The following MLST8 variants were observed in gnomAD, a reference collection of about 807,000 sequenced individuals.
The protein encoded by MLST8 is target of rapamycin complex subunit LST8.
In MLST8, 20 loss-of-function variants were observed where a neutral mutation model predicts 41.3. That is an observed-to-expected ratio of 0.48 (90% CI 0.34 to 0.70). MLST8 has a LOEUF of 0.70. Ranked by LOEUF, MLST8 falls within the 30% of genes least tolerant of loss-of-function variation. MLST8 has a pLI of 0.01. For missense variants in MLST8, 422 were observed against 454.3 expected (o/e 0.93, Z 0.65); for synonymous variants, 243 against 183.0 (o/e 1.33, Z -2.65).
At chr16:2,208,637 C>T (rs373582655) in intron 8 of MLST8, 24 bp downstream of exon 8, 5 of 1,611,892 alleles carry the variant, frequency 3.1e-6, no homozygotes, top group East Asian at 2.2e-5. Context: ...TGGCCTCCCC[C>T]ATCCCTGGCC....
In MLST8 at chr16:2,208,247, G is replaced by A. The variant is rs760972001; in HGVS notation, c.611G>A (p.Gly204Asp). The A allele has an allele frequency of 1.9e-6, 3 of 1,613,542 alleles. No individual in the cohort carries two copies. The South Asian group carries it at 3.3e-5, about 18-fold the overall frequency. ...CYVWNLTGGI[G>D]DEVTQLIPKT... is the part of the protein sequence containing the mutation. ...GTCTGGAATCTGACGGGGGGCATTG[G>A]TGACGAGGTGACCCAGCTCATCCCC... The change falls in exon 7 of 9, where the codon GGT becomes GAT. Residue 204 changes from glycine to aspartate, a missense_variant. Physicochemically the swap from Gly to Asp is moderately conservative, Grantham distance 94. Transcript: ENST00000569417.
chr16:2,206,690 GCT>G, intron 4 of MLST8, 31 bp downstream of exon 4: 2 of 1,601,698 alleles, frequency 1.2e-6, no homozygotes, highest in East Asian at 2.2e-5. Context: ...GCTGCCCGGG[GCT>G]GGGGTGGGCT....
rs776211161 is a variant in MLST8 at position 2,206,564 on chromosome 16, C to T, written c.249C>T (p.Gly83=). The T allele has an allele frequency of 4.3e-6, 7 of 1,613,976 alleles. No individual in the cohort carries two copies. Among genetic ancestry groups the T allele is most frequent in the Admixed American group, 1.7e-5 (1 of 59,990 alleles). Residue 83 remains glycine, a synonymous_variant, in exon 4 of 9, where the codon GGC becomes GGT. Transcript: ENST00000569417. ...CTAACCCCATCATCAGCTACGACGGCGTCAACAAGAACATCGCGTCTGTGG... is the reference window on the plus strand; with the variant it reads ...CTAACCCCATCATCAGCTACGACGGTGTCAACAAGAACATCGCGTCTGTGG... ...NNPNPIISYD[G]VNKNIASVGF...
Position 2,208,744 on chromosome 16 carries a change from A to C in MLST8, c.863-15A>C, listed in dbSNP as rs1301088570. 1 of 1,613,752 alleles carries C rather than the reference A, an allele frequency of 6.2e-7. No homozygotes were observed. Among genetic ancestry groups the C allele is most frequent in the South Asian group, 1.1e-5 (1 of 91,062 alleles). On this transcript the variant is annotated splice_polypyrimidine_tract_variant and intron_variant, in intron 8 of 8. Coordinates refer to ENST00000569417, the MANE Select transcript of MLST8 (RefSeq NM_022372.6). The stretch of plus-strand genomic sequence containing the variant: ...TGCACCTGCGCTCTTAGCCCTGCAC[A>C]ATCTCCCCCTCCAGCTTCCTCGGAC...
At position 2,207,267 on chromosome 16, in the gene MLST8, G is replaced by T. The variant is rs762777522; in HGVS notation, c.495G>T (p.Leu165=). 1 of 1,614,194 alleles carries T rather than the reference G, an allele frequency of 6.2e-7. No individual in the cohort carries two copies. Among genetic ancestry groups the T allele is most frequent in the Non-Finnish European group, 8.5e-7 (1 of 1,180,030 alleles). ...TGAAAACAGACCACAACGAGCAGCT[G>T]ATCCCTGAGCCCGAGGTCTCCATCA... is the stretch of plus-strand genomic sequence containing the variant. ...WDLKTDHNEQ[L]IPEPEVSITS... is the part of the protein sequence containing the mutation. Residue 165 remains leucine, a synonymous_variant, in exon 6 of 9, where the codon CTG becomes CTT. Transcript: ENST00000569417.
In MLST8 at chr16:2,209,088, T is replaced by A; in HGVS notation, c.*211T>A. The A allele has an allele frequency of 7.7e-6, 5 of 648,132 alleles. No homozygotes were observed. Among genetic ancestry groups the A allele is most frequent in the Non-Finnish European group, 1.3e-5 (5 of 375,152 alleles). 40.1% of individuals were successfully genotyped at this position (648,132 alleles called of 1,614,324 possible). ...TGACAGAGCTCGACCCAAGCCAGGC[T>A]GCACACTCCTGGACTGGGCTAGCCT... On this transcript the variant is annotated 3_prime_UTR_variant, in exon 9 of 9. Coordinates refer to ENST00000569417, the MANE Select transcript of MLST8 (RefSeq NM_022372.6).
Position 2,208,224 on chromosome 16 carries a change from C to T in MLST8, c.588C>T (p.Val196=). ...AAVNSTGNCY[V]WNLTGGIGDE... ...CTGACCTCTAGGGAAACTGCTATGTCTGGAATCTGACGGGGGGCATTGGTG... is the reference window on the plus strand; with the variant it reads ...CTGACCTCTAGGGAAACTGCTATGTTTGGAATCTGACGGGGGGCATTGGTG... The change falls in exon 7 of 9, where the codon GTC becomes GTT. Residue 196 remains valine, a synonymous_variant. Coordinates refer to ENST00000569417, the MANE Select transcript of MLST8 (RefSeq NM_022372.6). The T allele has an allele frequency of 1.2e-6, 2 of 1,612,402 alleles. No homozygotes were observed. The highest frequency in any genetic ancestry group is 1.7e-6 in the Non-Finnish European group (2 of 1,179,030).
At chr16:2,207,889 C>T (rs2093326697) in intron 6 of MLST8, 7 of 290,036 alleles carry the variant, frequency 2.4e-5, no homozygotes, top group Admixed American at 4.8e-5. Flanking sequence ...CCCGGATTTC[C>T]CTTCTGCTGG....
rs764849563 is a variant in MLST8, at chr16:2,208,626, C to T, written c.862+13C>T. On this transcript the variant is annotated intron_variant, in intron 8 of 8. Transcript: ENST00000569417. ...TACATCGTCACTGGTGAGCCCCGCC[C>T]TGGCCTCCCCCATCCCTGGCCCCCG... is the stretch of plus-strand genomic sequence containing the variant. 4.3e-6 allele frequency: 7 copies of T among 1,611,962 alleles called. No individual in the cohort carries two copies. The Admixed American group carries it at 6.7e-5, about 15-fold the overall frequency.
At chr16:2,208,357 C>A in intron 7 of MLST8, 23 bp downstream of exon 7, 6 of 1,604,820 alleles carry the variant, frequency 3.7e-6, no homozygotes, top group African/African-American at 1.3e-5. Context: ...CCTGCTGGCC[C>A]GGGAGGGGAC....
intron 6 of MLST8, 36 bp from the exon 7 acceptor site, chr16:2,208,174 C>T: frequency 1.3e-6 from 2 of 1,575,426 alleles, no homozygotes; most frequent in South Asian, 1.2e-5. Flanking sequence ...AGACCTGAGG[C>T]CTTGGGCCCT....
chr16:2,205,567 C>A, intron 1 of MLST8, 55 bp downstream of exon 1: 1 of 609,252 alleles, frequency 1.6e-6, no homozygotes, highest in Non-Finnish European at 2.1e-6. Flanking sequence ...GCTGGGAGAG[C>A]ACGGCCAGGG....
At chr16:2,205,983 A>C (rs1357510280) in intron 1 of MLST8, 48 bp from the exon 2 acceptor site, 10 of 1,499,002 alleles carry the variant, frequency 6.7e-6, no homozygotes, top group Non-Finnish European at 8.9e-6. Flanking sequence ...TCTATAATCT[A>C]CTTAGCACAG....
Position 2,206,565 on chromosome 16 carries a change from G to A in MLST8, c.250G>A (p.Val84Ile). The change falls in exon 4 of 9, where the codon GTC becomes ATC. Residue 84 changes from valine (V) to isoleucine (I), a missense_variant. Coordinates refer to ENST00000569417, the MANE Select transcript of MLST8 (RefSeq NM_022372.6). ...NPNPIISYDGVNKNIASVGFH... is the reference protein window; with the variant it reads ...NPNPIISYDGINKNIASVGFH... ...TAACCCCATCATCAGCTACGACGGC[G>A]TCAACAAGAACATCGCGTCTGTGGG... 6.2e-7 allele frequency: 1 copy of A among 1,613,990 alleles called. No homozygotes were observed. The highest frequency in any genetic ancestry group is 8.5e-7 in the Non-Finnish European group (1 of 1,179,970).
chr16:2,206,455 G>A (rs1191960766), intron 3 of MLST8, 42 bp from the exon 4 acceptor site: 5 of 1,613,410 alleles, frequency 3.1e-6, no homozygotes, highest in Non-Finnish European at 4.2e-6. Flanking sequence ...CTGGTGGGTC[G>A]ACCTCAGCAC....
At position 2,208,312 on chromosome 16, in the gene MLST8, T is replaced by A; in HGVS notation, c.676T>A (p.Cys226Ser). ...TGCCCACACGCGCTACGCCCTGCAG[T>A]GTCGCTTCAGCCCCGACTCCACGTG... ...IPAHTRYALQ[C>S]RFSPDSTLLA... Residue 226 changes from cysteine (C) to serine (S), a missense_variant, in exon 7 of 9, where the codon TGT (cysteine) becomes AGT (serine). Physicochemically the swap from Cys to Ser is moderately radical, Grantham distance 112. Coordinates refer to ENST00000569417, the MANE Select transcript of MLST8 (RefSeq NM_022372.6). The A allele has an allele frequency of 6.2e-7, 1 of 1,608,910 alleles. No homozygotes were observed. Among genetic ancestry groups the A allele is most frequent in the Non-Finnish European group, 8.5e-7 (1 of 1,176,250 alleles).
chr16:2,208,480 G>C lies in MLST8; in HGVS notation c.729G>C (p.Thr243=), dbSNP rs746198787. ...TLLATCSADQ[T]CKIWRTSNFS... ...TCGCCACCTGCTCGGCTGATCAGACGTGCAAGATCTGGAGGACGTCCAACT... is the reference window on the plus strand; with the variant it reads ...TCGCCACCTGCTCGGCTGATCAGACCTGCAAGATCTGGAGGACGTCCAACT... The change falls in exon 8 of 9, where the codon ACG becomes ACC. Residue 243 remains threonine, a synonymous_variant. Coordinates refer to ENST00000569417, the MANE Select transcript of MLST8 (RefSeq NM_022372.6). 3.7e-6 allele frequency: 6 copies of C among 1,613,242 alleles called. No homozygotes were observed. The highest frequency in any genetic ancestry group is 2.2e-5 in the East Asian group (1 of 44,870).
chr16:2,206,565 G>C lies in MLST8; in HGVS notation c.250G>C (p.Val84Leu), dbSNP rs745537346. The change falls in exon 4 of 9, where the codon GTC becomes CTC. Residue 84 changes from valine (V) to leucine (L), a missense_variant. Coordinates refer to ENST00000569417, the MANE Select transcript of MLST8 (RefSeq NM_022372.6). ...NPNPIISYDG[V>L]NKNIASVGFH... is the part of the protein sequence containing the mutation. ...TAACCCCATCATCAGCTACGACGGC[G>C]TCAACAAGAACATCGCGTCTGTGGG... 4 of 1,613,872 alleles carry C rather than the reference G, an allele frequency of 2.5e-6. No homozygotes were observed. In the African/African-American group the frequency reaches 5.3e-5, roughly 22 times the overall value.
intron 6 of MLST8, chr16:2,207,971 G>A (rs927171626): frequency 4.6e-6 from 2 of 439,290 alleles, no homozygotes; most frequent in Non-Finnish European, 8.1e-6. Flanking sequence ...CATCCTCCAG[G>A]AAGGAGAATT....
Sources: allele counts gnomAD v4.1 joint callset, GRCh38; gene constraint gnomAD v4.1.1; transcripts MANE v1.5; gene names NCBI Gene and HGNC (gene_info 2026-07-23, HGNC 2026-07-21).